PTPRM: variants seen among roughly 807,000 people sequenced by gnomAD.
PTPRM encodes protein tyrosine phosphatase receptor type M.
PTPRM carries 47 observed loss-of-function variants against 186.7 expected under a neutral mutation model. The ratio of observed to expected loss-of-function variants is 0.25; its 90% CI spans 0.20 to 0.32. The LOEUF is 0.32. Ranked by LOEUF, PTPRM falls within the 10% of genes least tolerant of loss-of-function variation. The probability of loss-of-function intolerance (pLI) is 1.00; values close to 1 mark genes in which losing one functional copy is unlikely to be tolerated. For missense variants in PTPRM, 1,494 were observed against 1,865.0 expected, an observed-to-expected ratio of 0.80 and a Z score of 3.66; for synonymous variants, 668 against 674.9, an observed-to-expected ratio of 0.99 and a Z score of 0.16.
chr18:8,085,936 A>T, intron 10 of PTPRM, 64 bp downstream of exon 10: 2 of 1,484,668 alleles, frequency 1.3e-6, no homozygotes, highest in Non-Finnish European at 1.9e-6. Context: ...TTTCATTCCC[A>T]TTGTCAAGTA....
rs1026643982 is a variant in PTPRM at position 8,406,724 on chromosome 18, G to C, written c.*562G>C. On this transcript the variant is annotated 3_prime_UTR_variant, in exon 33 of 33. Coordinates refer to ENST00000580170, the MANE Select transcript of PTPRM (RefSeq NM_001105244.2). ...TGTATTGTTTCCAAGGGAAAAGCTT[G>C]GGGGAGGACTCAGTTCACAAAATGC... The C allele has an allele frequency of 2.0e-5, 3 of 152,422 alleles. No homozygotes were observed. Among genetic ancestry groups the C allele is most frequent in the African/African-American group, 7.2e-5 (3 of 41,450 alleles). 9.4% of individuals were successfully genotyped at this position (152,422 alleles called of 1,614,324 possible).
intron 9 of PTPRM, among the ~76,000 whole-genome samples, chr18:8,084,153 A>G (rs2090305625): frequency 1.3e-5 from 2 of 152,164 alleles, no homozygotes; most frequent in African/African-American, 4.8e-5. Flanking sequence ...AGCACCATGC[A>G]AGACCCCAGC....
At chr18:7,586,072 T>G (rs2036971106) in intron 1 of PTPRM, among the ~76,000 whole-genome samples, 1 of 152,150 alleles carries the variant, frequency 6.6e-6, no homozygotes, top group Admixed American at 6.5e-5. Flanking sequence ...GGCCTGGAAA[T>G]CAACTGAAGC....
At chr18:7,595,286 G>C (rs566056262) in intron 1 of PTPRM, among the ~76,000 whole-genome samples, 9 of 152,256 alleles carry the variant, frequency 5.9e-5, no homozygotes, top group African/African-American at 1.9e-4. Flanking sequence ...GACTATAGGA[G>C]AACTTTAGGA....
intron 20 of PTPRM, among the ~76,000 whole-genome samples, chr18:8,313,189 G>A (rs930627046): frequency 1.3e-5 from 2 of 152,172 alleles, no homozygotes; most frequent in Non-Finnish European, 2.9e-5. Flanking sequence ...AGTAAAGTTA[G>A]CATCAGAAAA....
In PTPRM at chr18:7,850,203, G is replaced by T. The variant is rs189872766; in HGVS notation, c.197-37903G>T. On this transcript the variant is annotated intron_variant, in intron 2 of 32. Transcript: ENST00000580170. The stretch of plus-strand genomic sequence containing the variant: ...AACAATTTTGTCCCAAGGTGTATTT[G>T]AAGATATATGTTATTTGGGAGAAAA... Among the ~76,000 whole-genome samples the T allele has an allele frequency of 2.0e-5, 3 of 152,302 alleles. No homozygotes were observed. The East Asian group carries it at 5.8e-4, about 29-fold the overall frequency.
At chr18:8,056,990 G>A (rs1225616039) in intron 7 of PTPRM, among the ~76,000 whole-genome samples, 1 of 151,820 alleles carries the variant, frequency 6.6e-6, no homozygotes, top group Admixed American at 6.6e-5. Flanking sequence ...TAAGTAAACT[G>A]TATTTTATTT....
At chr18:7,920,324 G>A (rs1195537701) in intron 4 of PTPRM, among the ~76,000 whole-genome samples, 1 of 151,870 alleles carries the variant, frequency 6.6e-6, no homozygotes, top group Non-Finnish European at 1.5e-5. Flanking sequence ...GTTTTAATTT[G>A]TTGTTTTTCA....
At chr18:8,258,411 G>T (rs2094595055) in intron 19 of PTPRM, among the ~76,000 whole-genome samples, 1 of 152,102 alleles carries the variant, frequency 6.6e-6, no homozygotes, top group South Asian at 2.1e-4. Context: ...GCTCTGCCCT[G>T]AACCCTCACA....
chr18:8,194,378 G>A (rs1407186367), intron 14 of PTPRM, among the ~76,000 whole-genome samples: 1 of 152,230 alleles, frequency 6.6e-6, no homozygotes, highest in African/African-American at 2.4e-5. Context: ...TGGCCGAGGT[G>A]TTCAAAACCA....
intron 1 of PTPRM, among the ~76,000 whole-genome samples, chr18:7,703,102 C>A (rs1190674012): frequency 6.6e-6 from 1 of 152,152 alleles, no homozygotes; most frequent in Non-Finnish European, 1.5e-5. Flanking sequence ...AGTTTGAAGT[C>A]AGGTAGTGTG....
intron 2 of PTPRM, among the ~76,000 whole-genome samples, chr18:7,784,101 C>CT (rs1304266892): frequency 6.6e-6 from 1 of 152,056 alleles, no homozygotes; most frequent in Non-Finnish European, 1.5e-5. Flanking sequence ...CTCCTTCTGC[C>CT]TGTGGGGGAT....
At chr18:7,600,410 A>G (rs374892213) in intron 1 of PTPRM, among the ~76,000 whole-genome samples, 10 of 152,170 alleles carry the variant, frequency 6.6e-5, no homozygotes, top group African/African-American at 2.4e-4. Flanking sequence ...CTCCCCTTTC[A>G]AATCCAGCAC....
chr18:8,214,915 G>C (rs1366988976), intron 14 of PTPRM, among the ~76,000 whole-genome samples: 1 of 152,120 alleles, frequency 6.6e-6, no homozygotes, highest in Non-Finnish European at 1.5e-5. Context: ...TGCCCCCTTG[G>C]CCTCCCAAAT....
At chr18:8,175,042 A>G (rs924211610) in intron 14 of PTPRM, among the ~76,000 whole-genome samples, 1 of 152,150 alleles carries the variant, frequency 6.6e-6, no homozygotes, top group East Asian at 1.9e-4. Flanking sequence ...TCACAAATAG[A>G]GTCTGTTCCA....
intron 2 of PTPRM, among the ~76,000 whole-genome samples, chr18:7,855,868 AC>A (rs2047070699): frequency 6.6e-6 from 1 of 152,188 alleles, no homozygotes; most frequent in Non-Finnish European, 1.5e-5. Flanking sequence ...CAGATGTTTG[AC>A]GTTGTCAGGA....
chr18:7,799,388 A>G (rs555184519), intron 2 of PTPRM, among the ~76,000 whole-genome samples: 1 of 152,324 alleles, frequency 6.6e-6, no homozygotes, highest in South Asian at 2.1e-4. Context: ...TTGGAGAGAC[A>G]TGCACATTCA....
intron 2 of PTPRM, among the ~76,000 whole-genome samples, chr18:7,811,894 T>C (rs190542363): frequency 6.6e-6 from 1 of 152,302 alleles, no homozygotes; most frequent in African/African-American, 2.4e-5. Context: ...TTTGCACATA[T>C]ATGGCAGCCT....
chr18:8,030,851 T>TA (rs1285070488), intron 7 of PTPRM, among the ~76,000 whole-genome samples: 7 of 152,204 alleles, frequency 4.6e-5, no homozygotes, highest in African/African-American at 1.4e-4. Context: ...ATGTTTTATA[T>TA]AAAAAATCAC....
Sources: allele counts gnomAD v4.1 joint callset (sites outside exome capture counted in the v4.1 genomes callset), GRCh38; gene constraint gnomAD v4.1.1; transcripts MANE v1.5; gene names NCBI Gene and HGNC (gene_info 2026-07-23, HGNC 2026-07-21).